Variants in LRFN5 observed in about 807,000 individuals in gnomAD.
LRFN5 encodes the protein leucine rich repeat and fibronectin type III domain containing 5.
In LRFN5, 24 loss-of-function variants were observed where a neutral mutation model predicts 45.6. The observed-to-expected ratio is 0.53, with a 90% CI of 0.38 to 0.74. The LOEUF is 0.74. Among genes scored for constraint, LRFN5 ranks in the 30% least tolerant of loss-of-function variants. The pLI is 0.00. For synonymous variants in LRFN5, 340 were observed against 313.8 expected, an observed-to-expected ratio of 1.08 and a Z score of -0.88; for missense variants, 776 against 861.5, an observed-to-expected ratio of 0.90 and a Z score of 1.24.
intron 2 of LRFN5, among the ~76,000 whole-genome samples, chr14:41,839,247 C>T (rs1351260873): frequency 6.6e-6 from 1 of 151,974 alleles, no homozygotes; most frequent in Non-Finnish European, 1.5e-5. Flanking sequence ...TCGAAGTGAA[C>T]AAATTTACTG....
intron 2 of LRFN5, among the ~76,000 whole-genome samples, chr14:41,844,569 A>G (rs545682007): frequency 1.3e-5 from 2 of 152,340 alleles, no homozygotes; most frequent in South Asian, 4.1e-4. Context: ...GTTTAGTTAT[A>G]TAAATATCAC....
chr14:41,878,696 C>T (rs1890271098), intron 2 of LRFN5, among the ~76,000 whole-genome samples: 1 of 152,106 alleles, frequency 6.6e-6, no homozygotes, highest in Non-Finnish European at 1.5e-5. Context: ...GTGTTGCTTA[C>T]ATTTAACTAT....
At chr14:41,627,558 A>AT (rs1317123476) in intron 1 of LRFN5, among the ~76,000 whole-genome samples, 1 of 152,130 alleles carries the variant, frequency 6.6e-6, no homozygotes, top group Non-Finnish European at 1.5e-5. Context: ...CAAAATTCTC[A>AT]TTGACGTCAT....
At position 41,765,823 on chromosome 14, in the gene LRFN5, A is replaced by C. The variant is rs538172044; in HGVS notation, c.-196-1031A>C. 3.3e-5 allele frequency among the ~76,000 whole-genome samples: 5 copies of C among 152,300 alleles called. No individual in the cohort carries two copies. In the East Asian group the frequency reaches 9.6e-4, roughly 29 times the overall value. On this transcript the variant is annotated intron_variant, in intron 1 of 5. Coordinates refer to ENST00000298119, the MANE Select transcript of LRFN5 (RefSeq NM_152447.5). ...ACAAGTAATCTGTGCCTTGATTTTT[A>C]GTATTTCTGACCATATCAGTATTAA... is the stretch of plus-strand genomic sequence containing the variant.
chr14:41,888,568 T>G (rs1467275130), intron 3 of LRFN5, among the ~76,000 whole-genome samples: 1 of 152,140 alleles, frequency 6.6e-6, no homozygotes, highest in Non-Finnish European at 1.5e-5. Flanking sequence ...TTGCCATTTT[T>G]GGTCAAAAAT....
At chr14:41,669,966 AAATAGTTAAAAAT>A (rs1341961324) in intron 1 of LRFN5, among the ~76,000 whole-genome samples, 2 of 139,724 alleles carry the variant, frequency 1.4e-5, no homozygotes, top group East Asian at 2.0e-4. Context: ...TTAAAGAAAA[AAATAGTTAAAAAT>A]ATAGTTAAAA....
At chr14:41,683,827 G>A (rs1882007295) in intron 1 of LRFN5, among the ~76,000 whole-genome samples, 1 of 152,132 alleles carries the variant, frequency 6.6e-6, no homozygotes, top group Admixed American at 6.6e-5. Context: ...GATATTCTCT[G>A]CTCATAGATG....
chr14:41,733,208 A>G (rs984143581), intron 1 of LRFN5, among the ~76,000 whole-genome samples: 4 of 152,186 alleles, frequency 2.6e-5, no homozygotes, highest in Admixed American at 6.5e-5. Flanking sequence ...AGACATAAAT[A>G]TAAGCAGCTA....
chr14:41,656,443 T>G (rs959888418), intron 1 of LRFN5, among the ~76,000 whole-genome samples: 2 of 151,994 alleles, frequency 1.3e-5, no homozygotes, highest in African/African-American at 4.8e-5. Flanking sequence ...GATTTGTTTT[T>G]ATATTTCACA....
intron 1 of LRFN5, among the ~76,000 whole-genome samples, chr14:41,657,435 A>G (rs1343041920): frequency 6.6e-6 from 1 of 151,940 alleles, no homozygotes; most frequent in Non-Finnish European, 1.5e-5. Context: ...TGTCACTGGA[A>G]TTAACACTGT....
At chr14:41,855,919 CT>C (rs954010685) in intron 2 of LRFN5, among the ~76,000 whole-genome samples, 8 of 152,062 alleles carry the variant, frequency 5.3e-5, no homozygotes, top group Non-Finnish European at 7.4e-5. Context: ...GTATAGAGAC[CT>C]TTTAAATACA....
intron 2 of LRFN5, among the ~76,000 whole-genome samples, chr14:41,829,497 G>A (rs1210527679): frequency 6.6e-6 from 1 of 151,834 alleles, no homozygotes; most frequent in African/African-American, 2.4e-5. Context: ...CTGTTTATCT[G>A]ATTGACCTTA....
chr14:41,639,332 C>G (rs1879457598), intron 1 of LRFN5, among the ~76,000 whole-genome samples: 1 of 152,048 alleles, frequency 6.6e-6, no homozygotes, highest in African/African-American at 2.4e-5. Context: ...ATGCAGTCTT[C>G]TCTTTTCCCC....
chr14:41,855,576 A>G (rs11844701), intron 2 of LRFN5, among the ~76,000 whole-genome samples: 120,483 of 152,068 alleles, frequency 0.79, 48,779 homozygotes, highest in Non-Finnish European at 0.88. Context: ...CTGTTAAAAT[A>G]TAACTAAATA....
chr14:41,639,763 T>C (rs2138594876), intron 1 of LRFN5, among the ~76,000 whole-genome samples: 1 of 152,090 alleles, frequency 6.6e-6, no homozygotes, highest in East Asian at 1.9e-4. Flanking sequence ...TCTTTACTTT[T>C]ATTAATTTTA....
At chr14:41,822,208 G>C (rs180956688) in intron 2 of LRFN5, among the ~76,000 whole-genome samples, 3 of 151,728 alleles carry the variant, frequency 2.0e-5, no homozygotes, top group African/African-American at 7.3e-5. Context: ...TTTTGGGCTT[G>C]TTATGTTCTT....
At position 41,734,344 on chromosome 14, in the gene LRFN5, A is replaced by ATATATATATATATATATT. The variant is rs1428416141; in HGVS notation, c.-196-32509_-196-32508insATATATATATATATATTT. 1.3e-3 allele frequency among the ~76,000 whole-genome samples: 140 copies of ATATATATATATATATATT among 105,936 alleles called. 11 individuals carry two copies. Among genetic ancestry groups the ATATATATATATATATATT allele is most frequent in the East Asian group, 4.1e-3 (8 of 1,942 alleles). 69.5% of individuals were successfully genotyped at this position (105,936 alleles called of 152,430 possible). On this transcript the variant is annotated intron_variant, in intron 1 of 5. Coordinates refer to ENST00000298119, the MANE Select transcript of LRFN5 (RefSeq NM_152447.5). ...TATATATATATATATATATATATAT[A>ATATATATATATATATATT]TTTAAATTTGCTGTAACTTATTGAT...
intron 1 of LRFN5, among the ~76,000 whole-genome samples, chr14:41,641,635 T>C (rs927968101): frequency 1.3e-5 from 2 of 152,102 alleles, no homozygotes; most frequent in African/African-American, 4.8e-5. Context: ...AATTTGCTCT[T>C]TAAATTCCAT....
intron 1 of LRFN5, among the ~76,000 whole-genome samples, chr14:41,651,828 A>G (rs897719483): frequency 2.0e-5 from 3 of 152,184 alleles, no homozygotes; most frequent in African/African-American, 7.2e-5. Context: ...TCACAATTCT[A>G]GAGACTAGAA....
Sources: gnomAD v4.1 joint callset for allele counts (sites outside exome capture counted in the v4.1 genomes callset) on GRCh38, gnomAD v4.1.1 for gene constraint, MANE v1.5 for transcripts, NCBI Gene and HGNC (gene_info 2026-07-23, HGNC 2026-07-21) for gene names.